Variants in ODR4 observed in about 807,000 individuals in gnomAD.
ODR4 encodes protein odr-4 homolog.
In ODR4, 47 loss-of-function variants were observed where a neutral mutation model predicts 60.2. That is an observed-to-expected ratio of 0.78 (90% CI 0.62 to 1.00). The LOEUF is 1.00. Among genes scored for constraint, ODR4 ranks in the 50% least tolerant of loss-of-function variants. The probability of loss-of-function intolerance (pLI) is 0.00; values close to 1 mark genes in which losing one functional copy is unlikely to be tolerated. For missense variants in ODR4, 488 were observed against 530.8 expected, an observed-to-expected ratio of 0.92 and a Z score of 0.79; for synonymous variants, 178 against 175.5, an observed-to-expected ratio of 1.01 and a Z score of -0.11.
At chr1:186,401,713 T>C (rs1660961438) in intron 11 of ODR4, among the ~76,000 whole-genome samples, 1 of 152,134 alleles carries the variant, frequency 6.6e-6, no homozygotes, top group Non-Finnish European at 1.5e-5. Flanking sequence ...AAACCCCACT[T>C]GATTATGATG....
At chr1:186,401,012 A>G in intron 11 of ODR4, 1 of 1,571,198 alleles carries the variant, frequency 6.4e-7, no homozygotes, top group Non-Finnish European at 8.7e-7. Context: ...AGTGTATATT[A>G]TAGCTGCATT....
chr1:186,416,438 A>G (rs1000274946), intron 12 of ODR4, among the ~76,000 whole-genome samples: 1 of 151,990 alleles, frequency 6.6e-6, no homozygotes, highest in South Asian at 2.1e-4. Flanking sequence ...TTGGGAGGCC[A>G]AGGTGGGCAG....
chr1:186,396,828 T>C (rs893585858), intron 9 of ODR4, among the ~76,000 whole-genome samples: 6 of 152,030 alleles, frequency 3.9e-5, no homozygotes, highest in Non-Finnish European at 7.4e-5. Context: ...GTTAAAAATA[T>C]ATAAATTATA....
intron 9 of ODR4, among the ~76,000 whole-genome samples, chr1:186,397,499 G>A (rs1660750682): frequency 6.6e-6 from 1 of 152,058 alleles, no homozygotes; most frequent in Non-Finnish European, 1.5e-5. Context: ...AGGACCAGAA[G>A]TGTTTTGGGT....
intron 12 of ODR4, among the ~76,000 whole-genome samples, chr1:186,410,876 G>A (rs1183048692): frequency 2.6e-5 from 4 of 152,012 alleles, no homozygotes; most frequent in African/African-American, 4.8e-5. Flanking sequence ...TTAGCCAGGC[G>A]TGGTGAGGCA....
At position 186,413,876 on chromosome 1, in the gene ODR4, C is replaced by T. The variant is rs139946312; in HGVS notation, c.1187-3668C>T. 6.0e-4 allele frequency among the ~76,000 whole-genome samples: 92 copies of T among 152,296 alleles called. 4 individuals are homozygous for T. The highest frequency in any genetic ancestry group is 2.0e-3 in the African/African-American group (85 of 41,562). On this transcript the variant is annotated intron_variant, in intron 12 of 13. Coordinates refer to ENST00000287859, the MANE Select transcript of ODR4 (RefSeq NM_017847.6). ...AGCAGCTTGGAATGAAATCTGAACA[C>T]GTCTGCAACTTTTGCATGCATTCAC...
At chr1:186,378,380 T>A (rs1385950486) in intron 1 of ODR4, among the ~76,000 whole-genome samples, 1 of 152,240 alleles carries the variant, frequency 6.6e-6, no homozygotes, top group Non-Finnish European at 1.5e-5. Flanking sequence ...TATAGCTCTT[T>A]TGGATATCAT....
intron 8 of ODR4, among the ~76,000 whole-genome samples, chr1:186,392,036 A>C (rs1231652692): frequency 6.6e-6 from 1 of 152,192 alleles, no homozygotes; most frequent in Non-Finnish European, 1.5e-5. Context: ...ATGAAAAAAA[A>C]CTCAGCATTA....
intron 13 of ODR4, 109 bp from the exon 14 acceptor site, chr1:186,418,895 TTTGTG>T: frequency 1.3e-6 from 1 of 795,952 alleles, no homozygotes; most frequent in Non-Finnish European, 2.1e-6. Flanking sequence ...TGATTGTGTG[TTTGTG>T]TATTGTTTTT....
chr1:186,401,397 G>A (rs537873394), intron 11 of ODR4: 34 of 430,172 alleles, frequency 7.9e-5, no homozygotes, highest in African/African-American at 3.5e-4. Context: ...TGAAGTTCTC[G>A]GATTCTGTGT....
At chr1:186,424,534 A>C (rs1221839079), downstream of ODR4, among the ~76,000 whole-genome samples, 2 of 152,012 alleles carry the variant, frequency 1.3e-5, no homozygotes, top group African/African-American at 4.8e-5. Flanking sequence ...CTAACAAACT[A>C]CCCTCAAACT....
intron 11 of ODR4, chr1:186,401,108 C>T: frequency 6.3e-7 from 1 of 1,593,996 alleles, no homozygotes; most frequent in Non-Finnish European, 8.6e-7. Context: ...GTATACTCTT[C>T]TATTTAAAAA....
At chr1:186,401,923 G>C (rs564498795) in intron 11 of ODR4, among the ~76,000 whole-genome samples, 14 of 152,140 alleles carry the variant, frequency 9.2e-5, no homozygotes, top group Non-Finnish European at 1.9e-4. Context: ...AGAATAATTG[G>C]TATTATTTCT....
At chr1:186,415,168 A>C (rs1442140089) in intron 12 of ODR4, among the ~76,000 whole-genome samples, 2 of 152,146 alleles carry the variant, frequency 1.3e-5, no homozygotes, top group Non-Finnish European at 2.9e-5. Flanking sequence ...GAAAAAGAAA[A>C]AAGAATAGTG....
At chr1:186,402,187 A>ATTCTTTCTTTCTTTCTCTTTCT (rs1660990830) in intron 11 of ODR4, among the ~76,000 whole-genome samples, 1 of 135,424 alleles carries the variant, frequency 7.4e-6, no homozygotes, top group East Asian at 2.3e-4. Flanking sequence ...TAGGCATCCT[A>ATTCTTTCTTTCTTTCTCTTTCT]TTCTTTCTTT....
chr1:186,379,738 A>G, intron 1 of ODR4, 29 bp from the exon 2 acceptor site: 1 of 1,188,912 alleles, frequency 8.4e-7, no homozygotes, highest in East Asian at 2.4e-5. Context: ...TTTTACCTAA[A>G]TGCTGTATCT....
the ODR4 span, among the ~76,000 whole-genome samples, chr1:186,429,079 AAAC>A: frequency 6.6e-6 from 1 of 152,080 alleles, no homozygotes; most frequent in African/African-American, 2.4e-5. Flanking sequence ...ACAAAAAGAA[AAAC>A]AACAACACCA....
chr1:186,411,299 G>A (rs1048664146), intron 12 of ODR4, among the ~76,000 whole-genome samples: 1 of 152,050 alleles, frequency 6.6e-6, no homozygotes, highest in African/African-American at 2.4e-5. Flanking sequence ...TACTCAACCT[G>A]TACTACTTCT....
intron 3 of ODR4, among the ~76,000 whole-genome samples, chr1:186,384,453 G>A (rs1296449285): frequency 6.6e-6 from 1 of 152,046 alleles, no homozygotes; most frequent in Non-Finnish European, 1.5e-5. Context: ...TGTTTAAGGG[G>A]ACAAACATGG....
Sources: gnomAD v4.1 joint callset for allele counts (sites outside exome capture counted in the v4.1 genomes callset) on GRCh38, gnomAD v4.1.1 for gene constraint, MANE v1.5 for transcripts, NCBI Gene and HGNC (gene_info 2026-07-23, HGNC 2026-07-21) for gene names.